The following NUP58 variants were observed in gnomAD, a reference collection of about 807,000 sequenced individuals.
NUP58 encodes nucleoporin p58/p45.
Under a neutral mutation model 70.1 loss-of-function variants are expected in NUP58, and 17 were observed. The ratio of observed to expected loss-of-function variants is 0.24; its 90% confidence interval spans 0.17 to 0.36. The LOEUF is 0.36. Ranked by LOEUF, NUP58 falls within the 10% of genes least tolerant of loss-of-function variation. The pLI is 1.00. For missense variants in NUP58, 644 were observed against 701.5 expected (o/e 0.92, Z 0.93); for synonymous variants, 275 against 257.6 (o/e 1.07, Z -0.65).
chr13:25,344,591 T>G (rs2032027390), downstream of NUP58, among the ~76,000 whole-genome samples: 1 of 152,220 alleles, frequency 6.6e-6, no homozygotes, highest in Non-Finnish European at 1.5e-5. Flanking sequence ...GTGTCTATTT[T>G]ATTGAGTTTG....
chr13:25,332,083 A>G (rs992077063), intron 13 of NUP58: 1 of 995,646 alleles, frequency 1.0e-6, no homozygotes, highest in Non-Finnish European at 1.2e-6. Context: ...TTGACTGTAA[A>G]CAGAATACAA....
chr13:25,317,757 A>C (rs943461421), intron 6 of NUP58: 1 of 152,168 alleles, frequency 6.6e-6, no homozygotes, highest in Non-Finnish European at 1.5e-5. Flanking sequence ...TCTTAATAAA[A>C]TACAAAACAT....
intron 13 of NUP58, chr13:25,333,200 T>G: frequency 1.0e-6 from 1 of 985,410 alleles, no homozygotes; most frequent in Non-Finnish European, 1.2e-6. Flanking sequence ...CACTTATACA[T>G]TTTGAGCTTG....
At chr13:25,339,877 T>TAGATAGAAATTTACTGC in intron 15 of NUP58, 88 bp from the exon 16 acceptor site, 1 of 1,137,902 alleles carries the variant, frequency 8.8e-7, no homozygotes, top group East Asian at 2.5e-5. Context: ...TGTATTCTTT[T>TAGATAGAAATTTACTGC]AGATAGAAAT....
chr13:25,338,563 G>T, intron 14 of NUP58, 73 bp from the exon 15 acceptor site: 1 of 1,065,832 alleles, frequency 9.4e-7, no homozygotes, highest in Non-Finnish European at 1.4e-6. Flanking sequence ...GATGATTTTC[G>T]GTTGTACTTG....
intron 1 of NUP58, among the ~76,000 whole-genome samples, chr13:25,304,476 G>A (rs1259755645): frequency 1.8e-4 from 15 of 81,564 alleles, no homozygotes; most frequent in African/African-American, 2.3e-4. Flanking sequence ...ATGTTGTCAA[G>A]ATTATATATA....
chr13:25,329,874 G>A (rs1388861863), intron 12 of NUP58, among the ~76,000 whole-genome samples: 2 of 152,208 alleles, frequency 1.3e-5, no homozygotes, highest in African/African-American at 2.4e-5. Flanking sequence ...CTATGCTAGA[G>A]TGCAGTGGCG....
At chr13:25,337,319 G>A (rs2031821290) in intron 14 of NUP58, among the ~76,000 whole-genome samples, 1 of 152,064 alleles carries the variant, frequency 6.6e-6, no homozygotes, top group African/African-American at 2.4e-5. Context: ...GAATTCTTTA[G>A]TTTTAATCAT....
chr13:25,345,824 CATA>C (rs2032042674), downstream of NUP58, among the ~76,000 whole-genome samples: 1 of 152,166 alleles, frequency 6.6e-6, no homozygotes, highest in African/African-American at 2.4e-5. Context: ...CCGCAACATA[CATA>C]GGAGAGAGTA....
chr13:25,319,637 C>G (rs1002819296), intron 7 of NUP58, among the ~76,000 whole-genome samples: 9 of 151,918 alleles, frequency 5.9e-5, no homozygotes, highest in Non-Finnish European at 1.3e-4. Context: ...TTTCTTTAGT[C>G]TGTTAAATAT....
chr13:25,315,080 A>G (rs1358577019), intron 5 of NUP58, among the ~76,000 whole-genome samples: 1 of 152,192 alleles, frequency 6.6e-6, no homozygotes, highest in East Asian at 1.9e-4. Context: ...ACCCCTTTAT[A>G]ACAAGTGAAG....
chr13:25,320,497 A>G (rs778543288), intron 7 of NUP58, 33 bp from the exon 8 acceptor site: 44 of 1,486,560 alleles, frequency 3.0e-5, no homozygotes, highest in East Asian at 2.5e-4. Context: ...TAAAATCTCA[A>G]TGACCTTAAT....
At chr13:25,302,033 C>T (rs1425857145) in intron 1 of NUP58, among the ~76,000 whole-genome samples, 153 bp downstream of exon 1, 1 of 152,166 alleles carries the variant, frequency 6.6e-6, no homozygotes, top group Non-Finnish European at 1.5e-5. Context: ...GCGTCGTAGG[C>T]CTCTCGCCGC....
downstream of NUP58, among the ~76,000 whole-genome samples, chr13:25,343,822 T>TACAC (rs2032012912): frequency 7.1e-6 from 1 of 140,212 alleles, no homozygotes; most frequent in Non-Finnish European, 1.6e-5. Context: ...TATATATATA[T>TACAC]ATATACACAT....
In NUP58 at chr13:25,340,892, T is replaced by C. The variant is rs1483629427; in HGVS notation, c.*758T>C. The C allele has an allele frequency of 1.3e-5, 2 of 152,188 alleles. No homozygotes were observed. Among genetic ancestry groups the C allele is most frequent in the African/African-American group, 4.8e-5 (2 of 41,410 alleles). The allele number at this position is 152,188 out of a possible 1,614,324, so 9.4% of individuals were successfully genotyped here. On this transcript the variant is annotated 3_prime_UTR_variant, in exon 16 of 16. Transcript: ENST00000381736. ...GAGATCACACCACTGCACTCCAGCCTGGGCAACAAGAGCAAAACTCCGTCT... is the reference window on the plus strand; with the variant it reads ...GAGATCACACCACTGCACTCCAGCCCGGGCAACAAGAGCAAAACTCCGTCT...
chr13:25,328,712 C>G (rs944917036), intron 12 of NUP58, among the ~76,000 whole-genome samples: 1 of 152,212 alleles, frequency 6.6e-6, no homozygotes, highest in Middle Eastern at 3.4e-3. Context: ...TATTTTGACT[C>G]TCATAATAAC....
At chr13:25,336,550 A>G (rs549810383) in intron 13 of NUP58, among the ~76,000 whole-genome samples, 39 of 152,234 alleles carry the variant, frequency 2.6e-4, no homozygotes, top group African/African-American at 9.1e-4. Context: ...GATTATACCA[A>G]CTAGTTTTAT....
chr13:25,343,805 G>GTATGTA (rs1555258646), downstream of NUP58, among the ~76,000 whole-genome samples: 7 of 137,654 alleles, frequency 5.1e-5, no homozygotes, highest in East Asian at 1.1e-3. Context: ...ACATATATAT[G>GTATGTA]TATATATATA....
intron 9 of NUP58, among the ~76,000 whole-genome samples, chr13:25,324,403 A>G (rs1188267303): frequency 6.6e-6 from 1 of 152,258 alleles, no homozygotes; most frequent in Non-Finnish European, 1.5e-5. Flanking sequence ...AGAAAGCAAT[A>G]TAAGAATGGT....
Sources: allele counts gnomAD v4.1 joint callset (sites outside exome capture counted in the v4.1 genomes callset), GRCh38; gene constraint gnomAD v4.1.1; transcripts MANE v1.5; gene names NCBI Gene and HGNC (gene_info 2026-07-23, HGNC 2026-07-21).